The following MYO5A variants were observed in gnomAD, a reference collection of about 807,000 sequenced individuals.
MYO5A encodes the protein myosin VA, also known as unconventional myosin-Va.
MYO5A carries 98 observed loss-of-function variants against 249.7 expected under a neutral mutation model. That is an observed-to-expected ratio of 0.39 (90% CI 0.33 to 0.46). The LOEUF is 0.46. Ranked by LOEUF, MYO5A falls within the 20% of genes least tolerant of loss-of-function variation. MYO5A has a pLI of 0.98. For synonymous variants in MYO5A, 778 were observed against 810.6 expected (o/e 0.96, Z 0.68); for missense variants, 1,696 against 2,308.8 (o/e 0.73, Z 5.44).
chr15:52,475,935 G>A (rs915547419), intron 1 of MYO5A, among the ~76,000 whole-genome samples: 3 of 152,112 alleles, frequency 2.0e-5, no homozygotes, highest in Non-Finnish European at 2.9e-5. Context: ...TCAAGTCCTG[G>A]ATATATCCTT....
rs1382586922 is a variant in MYO5A, at chr15:52,367,275, C to T, written c.3067-151G>A. ...TATGTCTAGTCACCTTACAAACTTG[C>T]TCAAGCATTACTCCCTCCCAAGAGC... On this transcript the variant is annotated intron_variant, in intron 22 of 41. Coordinates refer to ENST00000399233, the MANE Select transcript of MYO5A (RefSeq NM_001382347.1). 5 of 730,198 alleles carry T rather than the reference C, an allele frequency of 6.8e-6. No individual in the cohort carries two copies. In the African/African-American group the frequency reaches 7.0e-5, roughly 10 times the overall value. The allele number at this position is 730,198 out of a possible 1,614,324, so 45.2% of individuals were successfully genotyped here. A position where few individuals can be genotyped will look rare whatever the true frequency, so the allele number is the denominator to read the frequency against.
At chr15:52,357,227 A>G (rs1001799099) in intron 25 of MYO5A, among the ~76,000 whole-genome samples, 17 of 152,104 alleles carry the variant, frequency 1.1e-4, no homozygotes, top group Non-Finnish European at 2.5e-4. Context: ...ATATATTTTA[A>G]TGTTTGTTCA....
intron 14 of MYO5A, among the ~76,000 whole-genome samples, chr15:52,385,832 G>A (rs773332480): frequency 3.3e-5 from 5 of 152,118 alleles, no homozygotes; most frequent in Non-Finnish European, 5.9e-5. Context: ...AAGACCAGCA[G>A]CAGAGGAAGC....
At chr15:52,461,262 G>A (rs1013652840) in intron 1 of MYO5A, among the ~76,000 whole-genome samples, 3 of 152,114 alleles carry the variant, frequency 2.0e-5, no homozygotes, top group Non-Finnish European at 4.4e-5. Context: ...CAATAGGTAT[G>A]TTTTGTAAAA....
chr15:52,483,478 A>G (rs2076756186), intron 1 of MYO5A, among the ~76,000 whole-genome samples: 1 of 152,156 alleles, frequency 6.6e-6, no homozygotes, highest in South Asian at 2.1e-4. Context: ...AGTAGGGAAG[A>G]GAAAAAGTGA....
intron 28 of MYO5A, 101 bp from the exon 29 acceptor site, chr15:52,348,927 A>G: frequency 2.3e-6 from 3 of 1,300,040 alleles, no homozygotes; most frequent in Non-Finnish European, 3.2e-6. Context: ...AACAGATAAA[A>G]GCTAATTTAA....
chr15:52,314,138 G>T lies in MYO5A; in HGVS notation c.5475C>A (p.Phe1825Leu). The T allele has an allele frequency of 6.2e-7, 1 of 1,609,552 alleles. No homozygotes were observed. The highest frequency in any genetic ancestry group is 1.1e-5 in the South Asian group (1 of 90,962). ...NEFEERVSVS[F>L]IRTIQMRLRD... ...GAGCTCTTACCTGTATAGTACGAAT[G>T]AACGACACAGAGACTCTTTCTTCAA... The change falls in exon 41 of 42, where the codon TTC becomes TTA. Residue 1825 changes from phenylalanine to leucine, a missense_variant. Transcript: ENST00000399233.
intron 1 of MYO5A, among the ~76,000 whole-genome samples, chr15:52,474,455 C>T (rs1347173862): frequency 1.3e-5 from 2 of 152,190 alleles, no homozygotes; most frequent in Non-Finnish European, 2.9e-5. Context: ...GAGGGCATCC[C>T]TGTCTTGTGC....
intron 11 of MYO5A, among the ~76,000 whole-genome samples, chr15:52,392,920 A>T (rs1595585308): frequency 6.6e-6 from 1 of 152,318 alleles, no homozygotes; most frequent in East Asian, 1.9e-4. Flanking sequence ...AAGAGTCCTC[A>T]TCTAGTTTGG....
chr15:52,393,606 G>A (rs945896837), intron 11 of MYO5A, among the ~76,000 whole-genome samples: 3 of 152,006 alleles, frequency 2.0e-5, no homozygotes, highest in Non-Finnish European at 4.4e-5. Flanking sequence ...TGTTAGCCAG[G>A]ACAGTCTCGA....
Position 52,379,622 on chromosome 15 carries a change from C to A in MYO5A, c.2208+3G>T. The A allele has an allele frequency of 6.2e-7, 1 of 1,612,128 alleles. No individual in the cohort carries two copies. Among genetic ancestry groups the A allele is most frequent in the Non-Finnish European group, 8.5e-7 (1 of 1,178,124 alleles). ...AGATGACGGTAAGCGAAATCATTCT[C>A]ACCAGTATCAGTTTCTCTAACACAT... On this transcript the variant is annotated splice_donor_region_variant and intron_variant, in intron 18 of 41. Coordinates refer to ENST00000399233, the MANE Select transcript of MYO5A (RefSeq NM_001382347.1).
In MYO5A at chr15:52,340,283, C is replaced by G; in HGVS notation, c.4152G>C (p.Leu1384=). The G allele has an allele frequency of 1.2e-6, 2 of 1,614,056 alleles. No individual in the cohort carries two copies. Among genetic ancestry groups the G allele is most frequent in the South Asian group, 1.1e-5 (1 of 91,082 alleles). Residue 1384 remains leucine, a synonymous_variant, in exon 32 of 42, where the codon CTG becomes CTC. Coordinates refer to ENST00000399233, the MANE Select transcript of MYO5A (RefSeq NM_001382347.1). ...LKEENNRQQQ[L]LAQNLQLPPE... The stretch of plus-strand genomic sequence containing the variant: ...GGGGCAGCTGCAGGTTCTGGGCCAG[C>G]AGCTGCTGCTGTCGGTTGTTCTCCT...
At chr15:52,395,806 A>G (rs1233885360) in intron 11 of MYO5A, among the ~76,000 whole-genome samples, 1 of 152,166 alleles carries the variant, frequency 6.6e-6, no homozygotes, top group Non-Finnish European at 1.5e-5. Flanking sequence ...TCCCAAAACC[A>G]CAATACTCCT....
At chr15:52,357,215 T>C (rs2040273881) in intron 25 of MYO5A, among the ~76,000 whole-genome samples, 1 of 152,124 alleles carries the variant, frequency 6.6e-6, no homozygotes, top group Non-Finnish European at 1.5e-5. Context: ...ACATTCCATA[T>C]TATATATTTT....
chr15:52,503,465 TA>T (rs11363046), intron 1 of MYO5A, among the ~76,000 whole-genome samples: 142,227 of 149,808 alleles, frequency 0.95, 67,564 homozygotes, highest in African/African-American at 0.97. Context: ...ATGCTGTCTC[TA>T]AAAAAAAAAA....
chr15:52,323,807 C>CA, intron 36 of MYO5A: 1 of 289,554 alleles, frequency 3.5e-6, no homozygotes, highest in Non-Finnish European at 6.7e-6. Flanking sequence ...AGTTGGAGAC[C>CA]AGCCTGGCCA....
At chr15:52,407,939 T>G in intron 7 of MYO5A, 120 bp downstream of exon 7, 1 of 725,248 alleles carries the variant, frequency 1.4e-6, no homozygotes, top group East Asian at 2.6e-5. Context: ...GCTGACTTTT[T>G]ATCATATTAT....
chr15:52,449,071 C>T (rs191218721), intron 1 of MYO5A, among the ~76,000 whole-genome samples: 1 of 143,714 alleles, frequency 7.0e-6, no homozygotes, highest in African/African-American at 2.6e-5. Flanking sequence ...CGGGTTCAAG[C>T]GATTTTCCTG....
chr15:52,427,477 C>T (rs1339217189), intron 3 of MYO5A, among the ~76,000 whole-genome samples: 1 of 151,528 alleles, frequency 6.6e-6, no homozygotes, highest in Non-Finnish European at 1.5e-5. Flanking sequence ...GATAGGGTGG[C>T]TAGACAAGAC....
Sources: allele counts gnomAD v4.1 joint callset (sites outside exome capture counted in the v4.1 genomes callset), GRCh38; gene constraint gnomAD v4.1.1; transcripts MANE v1.5; gene names NCBI Gene and HGNC (gene_info 2026-07-23, HGNC 2026-07-21).